The following CAMTA1 variants were observed in gnomAD, a reference collection of about 807,000 sequenced individuals.
CAMTA1 encodes calmodulin binding transcription activator 1.
In CAMTA1, 27 loss-of-function variants were observed where a neutral mutation model predicts 170.9. The ratio of observed to expected loss-of-function variants is 0.16; its 90% confidence interval spans 0.12 to 0.22. CAMTA1 has a LOEUF of 0.22. Among genes scored for constraint, CAMTA1 ranks in the 10% least tolerant of loss-of-function variants. The pLI, the probability that CAMTA1 is intolerant of heterozygous loss-of-function variation, is 1.00. For missense variants in CAMTA1, 1,619 were observed against 2,217.2 expected, an observed-to-expected ratio of 0.73 and a Z score of 5.42; for synonymous variants, 833 against 891.5, an observed-to-expected ratio of 0.93 and a Z score of 1.17.
chr1:7,141,840 T>C (rs1645908112), intron 4 of CAMTA1, among the ~76,000 whole-genome samples: 1 of 152,200 alleles, frequency 6.6e-6, no homozygotes, highest in East Asian at 1.9e-4. Context: ...TCCGAAGGCC[T>C]ATTGACTGGT....
intron 6 of CAMTA1, among the ~76,000 whole-genome samples, chr1:7,549,098 G>A (rs1254606521): frequency 7.2e-6 from 1 of 139,598 alleles, no homozygotes; most frequent in Non-Finnish European, 1.6e-5. Flanking sequence ...GGGTGGAGGT[G>A]CCCTTGCAGG....
At chr1:7,740,208 C>T (rs1405161928) in intron 16 of CAMTA1, among the ~76,000 whole-genome samples, 2 of 152,232 alleles carry the variant, frequency 1.3e-5, no homozygotes, top group African/African-American at 2.4e-5. Flanking sequence ...TGGTACATTT[C>T]TTCTATAAAG....
intron 4 of CAMTA1, among the ~76,000 whole-genome samples, chr1:7,103,881 A>G (rs1183994416): frequency 6.6e-6 from 1 of 150,698 alleles, no homozygotes; most frequent in East Asian, 2.0e-4. Flanking sequence ...ACAACTACAC[A>G]CATGTACACA....
intron 6 of CAMTA1, among the ~76,000 whole-genome samples, chr1:7,571,165 C>T (rs1017917201): frequency 2.0e-5 from 3 of 152,162 alleles, no homozygotes; most frequent in African/African-American, 4.8e-5. Flanking sequence ...ATGGAAGCAG[C>T]GAGTCCAAGA....
intron 3 of CAMTA1, among the ~76,000 whole-genome samples, chr1:6,915,818 G>T (rs1301355012): frequency 3.9e-5 from 6 of 152,170 alleles, no homozygotes; most frequent in Middle Eastern, 3.2e-3. Context: ...TCTCTGACTG[G>T]GGCCTGCAGA....
intron 5 of CAMTA1, among the ~76,000 whole-genome samples, chr1:7,255,304 A>C (rs774568745): frequency 2.6e-5 from 4 of 152,106 alleles, no homozygotes; most frequent in African/African-American, 4.8e-5. Context: ...AAAAAATAAA[A>C]AATTATAATA....
intron 6 of CAMTA1, among the ~76,000 whole-genome samples, chr1:7,618,863 A>G (rs2095577783): frequency 6.6e-6 from 1 of 152,136 alleles, no homozygotes; most frequent in South Asian, 2.1e-4. Context: ...CTGTTATGTC[A>G]TTTGGATTTC....
chr1:7,666,133 C>A (rs963223519), intron 9 of CAMTA1, among the ~76,000 whole-genome samples: 1 of 151,120 alleles, frequency 6.6e-6, no homozygotes. Context: ...CACGCCACTG[C>A]ACTCCAGCCT....
At chr1:7,295,184 C>T (rs904957191) in intron 5 of CAMTA1, among the ~76,000 whole-genome samples, 1 of 152,172 alleles carries the variant, frequency 6.6e-6, no homozygotes, top group Non-Finnish European at 1.5e-5. Context: ...CTAATGGCAT[C>T]TGCCTCCCTG....
chr1:7,232,000 G>A (rs868243008), intron 4 of CAMTA1, among the ~76,000 whole-genome samples: 1 of 152,232 alleles, frequency 6.6e-6, no homozygotes, highest in African/African-American at 2.4e-5. Flanking sequence ...TTTCATGTTG[G>A]GGGTGCATGC....
At chr1:7,556,176 G>C (rs1461996821) in intron 6 of CAMTA1, among the ~76,000 whole-genome samples, 1 of 152,170 alleles carries the variant, frequency 6.6e-6, no homozygotes, top group East Asian at 1.9e-4. Flanking sequence ...GCTCTGGGCG[G>C]AGAGGCTGCC....
intron 11 of CAMTA1, 121 bp downstream of exon 11, chr1:7,677,854 G>A (rs2096138262): frequency 8.1e-7 from 1 of 1,235,114 alleles, no homozygotes; most frequent in East Asian, 2.5e-5. Flanking sequence ...GTGCCAATGT[G>A]AGCAAAGGAA....
intron 10 of CAMTA1, among the ~76,000 whole-genome samples, chr1:7,675,949 G>A (rs897628115): frequency 2.6e-5 from 4 of 152,230 alleles, no homozygotes; most frequent in African/African-American, 9.6e-5. Flanking sequence ...GTTGCTGCAG[G>A]TTGTGCACTT....
At chr1:7,158,561 T>C (rs1208410008) in intron 4 of CAMTA1, among the ~76,000 whole-genome samples, 18 of 152,190 alleles carry the variant, frequency 1.2e-4, no homozygotes, top group Admixed American at 1.2e-3. Context: ...ATGATATGCC[T>C]TTAGACTTGT....
chr1:7,203,917 C>T (rs1375102476), intron 4 of CAMTA1, among the ~76,000 whole-genome samples: 6 of 151,172 alleles, frequency 4.0e-5, no homozygotes, highest in Admixed American at 1.3e-4. Flanking sequence ...CTGCAAGCTC[C>T]GCCTCCCGGG....
intron 3 of CAMTA1, among the ~76,000 whole-genome samples, chr1:7,006,536 T>C (rs1438257161): frequency 1.3e-5 from 2 of 152,130 alleles, no homozygotes; most frequent in Non-Finnish European, 1.5e-5. Context: ...GCTTGTTAAT[T>C]ATCAGGAAAA....
intron 3 of CAMTA1, among the ~76,000 whole-genome samples, chr1:6,994,459 G>C (rs1229333283): frequency 6.6e-6 from 1 of 152,212 alleles, no homozygotes; most frequent in Non-Finnish European, 1.5e-5. Context: ...TGAGTGGACA[G>C]TGTGTTTTTC....
At chr1:7,461,856 G>C (rs910331038) in intron 5 of CAMTA1, among the ~76,000 whole-genome samples, 3 of 152,228 alleles carry the variant, frequency 2.0e-5, no homozygotes, top group Non-Finnish European at 4.4e-5. Context: ...CATCCCAAAC[G>C]AAGTACAATT....
rs1414332297 is a variant in CAMTA1 at position 7,561,949 on chromosome 1, G to A, written c.511-78451G>A. On this transcript the variant is annotated intron_variant, in intron 6 of 22. Transcript: ENST00000303635. The surrounding 1 kb of genome is among the most constrained non-coding windows in gnomAD (Gnocchi z 5.3). ...CTGGGCTCCATTTTTCCCCTGACCT[G>A]CCCAGTCCTGTGTTCCAGGTCAGAA... Among the ~76,000 whole-genome samples, 2 of 152,170 alleles carry A rather than the reference G, an allele frequency of 1.3e-5. No individual in the cohort carries two copies. Among genetic ancestry groups the A allele is most frequent in the African/African-American group, 2.4e-5 (1 of 41,440 alleles).
Sources: allele counts gnomAD v4.1 joint callset (sites outside exome capture counted in the v4.1 genomes callset), GRCh38; gene constraint gnomAD v4.1.1; non-coding constraint Gnocchi (gnomAD v3.1); transcripts MANE v1.5; gene names NCBI Gene and HGNC (gene_info 2026-07-23, HGNC 2026-07-21).